The following CRIM1 variants were observed in gnomAD, a reference collection of about 807,000 sequenced individuals.
CRIM1 encodes cysteine rich transmembrane BMP regulator 1, also known as cysteine-rich motor neuron 1 protein.
A neutral mutation model predicts 116.4 loss-of-function variants in CRIM1; 32 were observed. That is an observed-to-expected ratio of 0.27 (90% confidence interval 0.21 to 0.37). CRIM1 has a LOEUF of 0.37. Among genes scored for constraint, CRIM1 ranks in the 10% least tolerant of loss-of-function variants. CRIM1 has a pLI of 1.00. For synonymous variants in CRIM1, 590 were observed against 509.2 expected (o/e 1.16, Z -2.13); for missense variants, 1,331 against 1,354.8 (o/e 0.98, Z 0.28).
chr2:36,529,219 G>A (rs1665956149), intron 13 of CRIM1: 1 of 471,058 alleles, frequency 2.1e-6, no homozygotes, highest in Non-Finnish European at 4.4e-6. Context: ...TCACAAGAGG[G>A]CCCACCTGAT....
intron 8 of CRIM1, among the ~76,000 whole-genome samples, chr2:36,501,664 G>A (rs1681005891): frequency 6.6e-6 from 1 of 152,268 alleles, no homozygotes; most frequent in East Asian, 1.9e-4. Flanking sequence ...CGAGGCCGCA[G>A]CTAGCTGTGA....
intron 11 of CRIM1, among the ~76,000 whole-genome samples, chr2:36,514,071 G>A (rs1664876456): frequency 1.3e-5 from 2 of 152,202 alleles, no homozygotes; most frequent in African/African-American, 4.8e-5. Flanking sequence ...TTACATTCCA[G>A]CTCTCCATTT....
chr2:36,515,703 T>A (rs1664991708), intron 11 of CRIM1, among the ~76,000 whole-genome samples: 1 of 152,226 alleles, frequency 6.6e-6, no homozygotes, highest in African/African-American at 2.4e-5. Flanking sequence ...TGGCCCCTCT[T>A]GTGTTTTGCC....
chr2:36,430,295 A>G (rs562847513), intron 2 of CRIM1, among the ~76,000 whole-genome samples: 11 of 152,224 alleles, frequency 7.2e-5, no homozygotes, highest in East Asian at 1.9e-4. Context: ...TGAAGGGGGG[A>G]AAAAGTATGA....
rs151120988 is a variant in CRIM1 at position 36,492,625 on chromosome 2, C to T, written c.1373-6594C>T. Among the ~76,000 whole-genome samples, 204 of 152,252 alleles carry T rather than the reference C, an allele frequency of 1.3e-3. No individual in the cohort carries two copies. In the Middle Eastern group the frequency reaches 0.017, roughly 13 times the overall value. On this transcript the variant is annotated intron_variant, in intron 7 of 16. Coordinates refer to ENST00000280527, the MANE Select transcript of CRIM1 (RefSeq NM_016441.3). ...AGGTGTTCTGACCAGTTATGGGTCA[C>T]ATTTGAAAAGCATCTGTGTTAACAG...
At chr2:36,461,094 C>T (rs1302833359) in intron 4 of CRIM1, among the ~76,000 whole-genome samples, 1 of 152,126 alleles carries the variant, frequency 6.6e-6, no homozygotes, top group Non-Finnish European at 1.5e-5. Context: ...GAAAGTGATA[C>T]ATAAAATGAG....
At chr2:36,515,739 G>T (rs1358218778) in intron 11 of CRIM1, among the ~76,000 whole-genome samples, 1 of 152,234 alleles carries the variant, frequency 6.6e-6, no homozygotes, top group Non-Finnish European at 1.5e-5. Context: ...CGGCAAAAAG[G>T]TGAGCCAGAA....
chr2:36,524,615 T>G (rs1490258978), intron 13 of CRIM1, among the ~76,000 whole-genome samples: 1 of 152,178 alleles, frequency 6.6e-6, no homozygotes, highest in African/African-American at 2.4e-5. Context: ...TCTCGTGTGT[T>G]GAAAATTCTC....
At chr2:36,402,739 T>C (rs916264228) in intron 2 of CRIM1, among the ~76,000 whole-genome samples, 4 of 150,048 alleles carry the variant, frequency 2.7e-5, no homozygotes, top group East Asian at 1.9e-4. Flanking sequence ...CGAGATACCA[T>C]TGGAAATAGA....
intron 4 of CRIM1, among the ~76,000 whole-genome samples, chr2:36,448,606 A>T (rs1676437404): frequency 7.6e-6 from 1 of 131,980 alleles, no homozygotes; most frequent in African/African-American, 3.0e-5. Context: ...GAGTTTTTTA[A>T]ATACCCTACG....
intron 7 of CRIM1, among the ~76,000 whole-genome samples, chr2:36,489,320 A>G (rs1427820685): frequency 6.6e-6 from 1 of 152,106 alleles, no homozygotes; most frequent in Non-Finnish European, 1.5e-5. Flanking sequence ...AGGAGTCTCT[A>G]TTTGTTAGGG....
At chr2:36,458,051 T>G (rs1325289974) in intron 4 of CRIM1, among the ~76,000 whole-genome samples, 1 of 152,216 alleles carries the variant, frequency 6.6e-6, no homozygotes, top group Non-Finnish European at 1.5e-5. Context: ...GTCTCCACTT[T>G]TGAAGGCCTC....
intron 4 of CRIM1, among the ~76,000 whole-genome samples, chr2:36,450,561 A>G (rs2124966689): frequency 6.6e-6 from 1 of 152,254 alleles, no homozygotes; most frequent in South Asian, 2.1e-4. Context: ...CCTTGTTTGA[A>G]CCTCAGCTTT....
chr2:36,488,932 G>C (rs1680033116), intron 7 of CRIM1, among the ~76,000 whole-genome samples: 2 of 152,178 alleles, frequency 1.3e-5, no homozygotes, highest in Admixed American at 1.3e-4. Context: ...CAAACCGAGA[G>C]TTGATTTGCA....
intron 6 of CRIM1, among the ~76,000 whole-genome samples, chr2:36,477,371 G>T (rs1679065242): frequency 6.6e-6 from 1 of 152,152 alleles, no homozygotes. Flanking sequence ...CAATTCCTCA[G>T]CAAGTCCTAG....
chr2:36,391,489 C>A (rs79206769), intron 1 of CRIM1, among the ~76,000 whole-genome samples: 1 of 152,034 alleles, frequency 6.6e-6, no homozygotes, highest in Non-Finnish European at 1.5e-5. Flanking sequence ...CCAGCAGAAC[C>A]GCTGTATTAT....
chr2:36,391,763 CT>C (rs1012214159), intron 1 of CRIM1, among the ~76,000 whole-genome samples: 17 of 146,500 alleles, frequency 1.2e-4, no homozygotes, highest in African/African-American at 3.8e-4. Context: ...ATTTTATTTG[CT>C]TTTTTTTCTT....
At chr2:36,527,248 T>C (rs1458575224) in intron 13 of CRIM1, among the ~76,000 whole-genome samples, 1 of 152,042 alleles carries the variant, frequency 6.6e-6, no homozygotes, top group African/African-American at 2.4e-5. Context: ...TCTGATTACA[T>C]GCCTTCTAAT....
chr2:36,504,563 T>A (rs534742585), intron 8 of CRIM1, among the ~76,000 whole-genome samples: 1 of 152,330 alleles, frequency 6.6e-6, no homozygotes, highest in South Asian at 2.1e-4. Context: ...AGAAAAGTAG[T>A]ACTCCAGGAC....
Sources: allele counts gnomAD v4.1 joint callset (sites outside exome capture counted in the v4.1 genomes callset), GRCh38; gene constraint gnomAD v4.1.1; transcripts MANE v1.5; gene names NCBI Gene and HGNC (gene_info 2026-07-23, HGNC 2026-07-21).